The following SIAE variants were observed in gnomAD, a reference collection of about 807,000 sequenced individuals.
The protein encoded by SIAE is sialate O-acetylesterase.
SIAE carries 39 observed loss-of-function variants against 52.6 expected under a neutral mutation model. That is an observed-to-expected ratio of 0.74 (90% confidence interval 0.57 to 0.97). The LOEUF is 0.97. Among genes scored for constraint, SIAE ranks in the 50% least tolerant of loss-of-function variants. SIAE has a pLI of 0.00. For missense variants in SIAE, 592 were observed against 662.1 expected, an observed-to-expected ratio of 0.89 and a Z score of 1.16; for synonymous variants, 233 against 241.4, an observed-to-expected ratio of 0.97 and a Z score of 0.32.
intron 2 of SIAE, among the ~76,000 whole-genome samples, chr11:124,663,793 G>A (rs935266617): frequency 6.6e-6 from 1 of 152,134 alleles, no homozygotes; most frequent in Non-Finnish European, 1.5e-5. Context: ...GTCCAGTTAA[G>A]AGTTTTCAGA....
At chr11:124,649,570 G>C in intron 5 of SIAE, 49 bp downstream of exon 5, 1 of 1,599,600 alleles carries the variant, frequency 6.3e-7, no homozygotes, top group Non-Finnish European at 8.6e-7. Flanking sequence ...CCTCTCTCTT[G>C]CATAATTCCC....
At chr11:124,651,908 G>A (rs958456388) in intron 4 of SIAE, among the ~76,000 whole-genome samples, 1 of 152,244 alleles carries the variant, frequency 6.6e-6, no homozygotes, top group African/African-American at 2.4e-5. Flanking sequence ...CTGACAGTAG[G>A]TAGAGGGGAG....
intron 6 of SIAE, 106 bp from the exon 7 acceptor site, chr11:124,647,604 G>T: frequency 1.5e-6 from 2 of 1,378,430 alleles, no homozygotes; most frequent in Non-Finnish European, 1.0e-6. Flanking sequence ...TCTTCCCACG[G>T]TCTCTCTGGA....
intron 3 of SIAE, among the ~76,000 whole-genome samples, chr11:124,657,273 G>C (rs1171221789): frequency 6.6e-6 from 1 of 152,226 alleles, no homozygotes; most frequent in African/African-American, 2.4e-5. Flanking sequence ...GAAGGAGTAA[G>C]AACAGGCTAA....
intron 3 of SIAE, among the ~76,000 whole-genome samples, chr11:124,657,867 G>A (rs1264957457): frequency 1.3e-5 from 2 of 152,190 alleles, no homozygotes; most frequent in Non-Finnish European, 2.9e-5. Context: ...GAGATTGCAG[G>A]AAGATTTTCA....
intron 6 of SIAE, among the ~76,000 whole-genome samples, 162 bp downstream of exon 6, chr11:124,647,904 C>G (rs1413560587): frequency 6.6e-6 from 1 of 152,178 alleles, no homozygotes; most frequent in African/African-American, 2.4e-5. Context: ...CAGGAATTAG[C>G]TGAAGCAGCC....
At position 124,644,351 on chromosome 11, in the gene SIAE, G is replaced by GAAAAAAAAAAAAAAAAAAAAAAAAA. The variant is rs766691334; in HGVS notation, c.966+3013_966+3014insTTTTTTTTTTTTTTTTTTTTTTTTT. Among the ~76,000 whole-genome samples the GAAAAAAAAAAAAAAAAAAAAAAAAA allele has an allele frequency of 3.0e-5, 3 of 98,974 alleles. 1 individual carries two copies. The highest frequency in any genetic ancestry group is 1.2e-4 in the African/African-American group (3 of 25,154). 64.9% of individuals were successfully genotyped at this position (98,974 alleles called of 152,430 possible). On this transcript the variant is annotated intron_variant, in intron 7 of 9. Coordinates refer to ENST00000263593, the MANE Select transcript of SIAE (RefSeq NM_170601.5). ...AACGCCACAGGAAAGAGTCTGTGGT[G>GAAAAAAAAAAAAAAAAAAAAAAAAA]AGAAAAAAAAAAAAAAAAAAAAACT...
At chr11:124,647,546 A>T in intron 6 of SIAE, 48 bp from the exon 7 acceptor site, 1 of 1,606,518 alleles carries the variant, frequency 6.2e-7, no homozygotes, top group South Asian at 1.1e-5. Flanking sequence ...GACTGCAAAA[A>T]TGACCACACA....
rs965813906 is a variant in SIAE, at chr11:124,647,580, C to G, written c.833-82G>C. On this transcript the variant is annotated intron_variant, in intron 6 of 9. Transcript: ENST00000263593. The stretch of plus-strand genomic sequence containing the variant: ...CATTACTCTCCTCCCTCCATCCATG[C>G]CCTGAGGTAGTGGTCTTCCCACGGT... The G allele has an allele frequency of 3.7e-5, 57 of 1,537,160 alleles. No individual in the cohort carries two copies. The South Asian group carries it at 6.0e-4, about 16-fold the overall frequency.
chr11:124,635,517 G>A lies in SIAE; in HGVS notation c.*1434C>T, dbSNP rs1942710084. 6.6e-6 allele frequency: 1 copy of A among 152,036 alleles called. No individual in the cohort carries two copies. The highest frequency in any genetic ancestry group is 2.4e-5 in the African/African-American group (1 of 41,376). 9.4% of individuals were successfully genotyped at this position (152,036 alleles called of 1,614,324 possible). Reference sequence around the variant, plus strand: ...AAATTTCATTTTCACACAGTAAAAAGTTCCTAAATTGGGGGAAACATAGTG... The same window carrying A: ...AAATTTCATTTTCACACAGTAAAAAATTCCTAAATTGGGGGAAACATAGTG... On this transcript the variant is annotated 3_prime_UTR_variant, in exon 10 of 10. Coordinates refer to ENST00000263593, the MANE Select transcript of SIAE (RefSeq NM_170601.5).
chr11:124,658,242 A>G lies in SIAE; in HGVS notation c.405+2386T>C, dbSNP rs748067489. ...CATGCGTGTGAGTGTGTGTCTGTGCACACACACACACACACACACAGAAGG... is the reference window on the plus strand; with the variant it reads ...CATGCGTGTGAGTGTGTGTCTGTGCGCACACACACACACACACACAGAAGG... On this transcript the variant is annotated intron_variant, in intron 3 of 9. Transcript: ENST00000263593. Among the ~76,000 whole-genome samples the G allele has an allele frequency of 6.4e-5, 8 of 124,670 alleles. No individual in the cohort carries two copies. The East Asian group carries it at 9.9e-4, about 15-fold the overall frequency. The allele number at this position is 124,670 out of a possible 152,430, so 81.8% of individuals were successfully genotyped here.
intron 2 of SIAE, among the ~76,000 whole-genome samples, chr11:124,663,017 T>A (rs1167935079): frequency 6.6e-6 from 1 of 151,992 alleles, no homozygotes; most frequent in African/African-American, 2.4e-5. Context: ...TGATGGCATA[T>A]GCCTATAATC....
At chr11:124,673,876 T>C (rs1399528955), upstream of SIAE, 4 of 708,626 alleles carry the variant, frequency 5.6e-6, no homozygotes, top group Non-Finnish European at 9.1e-6. Context: ...GTTTTTTTTT[T>C]TTTTTAAAGA....
At chr11:124,669,169 T>C (rs1165131141) in intron 2 of SIAE, among the ~76,000 whole-genome samples, 191 bp downstream of exon 2, 1 of 152,254 alleles carries the variant, frequency 6.6e-6, no homozygotes, top group Non-Finnish European at 1.5e-5. Context: ...GAACTTTGAC[T>C]CAGTCTTATT....
chr11:124,673,718 G>T lies in SIAE; in HGVS notation c.-10C>A, dbSNP rs753362128. The T allele has an allele frequency of 1.9e-6, 3 of 1,613,314 alleles. No individual in the cohort carries two copies. The highest frequency in any genetic ancestry group is 1.7e-6 in the Non-Finnish European group (2 of 1,179,694). On this transcript the variant is annotated 5_prime_UTR_variant, in exon 1 of 10. Coordinates refer to ENST00000263593, the MANE Select transcript of SIAE (RefSeq NM_170601.5). The stretch of plus-strand genomic sequence containing the variant: ...GCCCCGGCGCGACCATGCTTGCAAG[G>T]ATCTGACCGCCGCCTAGGACTGGGA...
chr11:124,640,112 C>T (rs1942821234), intron 7 of SIAE, among the ~76,000 whole-genome samples: 1 of 152,184 alleles, frequency 6.6e-6, no homozygotes, highest in Non-Finnish European at 1.5e-5. Flanking sequence ...GTCTGTTTCT[C>T]TTCCCTTTGA....
intron 5 of SIAE, 39 bp downstream of exon 5, chr11:124,649,580 C>T: frequency 6.2e-7 from 1 of 1,610,590 alleles, no homozygotes; most frequent in South Asian, 1.1e-5. Flanking sequence ...GCATAATTCC[C>T]TGGTAGGCTC....
chr11:124,662,774 C>A (rs1472262610), intron 2 of SIAE, among the ~76,000 whole-genome samples: 1 of 152,198 alleles, frequency 6.6e-6, no homozygotes, highest in Non-Finnish European at 1.5e-5. Context: ...TCCTCAAAGA[C>A]CTCAGAAAAC....
intron 9 of SIAE, among the ~76,000 whole-genome samples, chr11:124,638,026 G>A (rs183526587): frequency 1.3e-5 from 2 of 152,214 alleles, no homozygotes; most frequent in African/African-American, 4.8e-5. Context: ...TTTCATCAAT[G>A]GCCCCAGTTC....
Sources: gnomAD v4.1 joint callset for allele counts (sites outside exome capture counted in the v4.1 genomes callset) on GRCh38, gnomAD v4.1.1 for gene constraint, MANE v1.5 for transcripts, NCBI Gene and HGNC (gene_info 2026-07-23, HGNC 2026-07-21) for gene names.